Variants in KYNU observed in about 807,000 individuals in gnomAD.
KYNU encodes the protein kynureninase, also known as L-kynurenine hydrolase.
KYNU carries 54 observed loss-of-function variants against 59.2 expected under a neutral mutation model. That is an observed-to-expected ratio of 0.91 (90% CI 0.73 to 1.14). The LOEUF (loss-of-function observed/expected upper bound fraction) is 1.14, where lower values mean the gene tolerates loss of function less well. Ranked by LOEUF, KYNU falls within the 50% of genes most tolerant of loss-of-function variation. KYNU has a pLI of 0.00. For synonymous variants in KYNU, 177 were observed against 192.0 expected, an observed-to-expected ratio of 0.92 and a Z score of 0.65; for missense variants, 567 against 554.4, an observed-to-expected ratio of 1.02 and a Z score of -0.23.
At chr2:142,914,729 G>A (rs1682615807) in intron 2 of KYNU, among the ~76,000 whole-genome samples, 2 of 151,872 alleles carry the variant, frequency 1.3e-5, no homozygotes, top group South Asian at 4.2e-4. Context: ...CATTATCTTG[G>A]GGCAACATGA....
chr2:142,945,154 C>T (rs1344704408), intron 4 of KYNU, among the ~76,000 whole-genome samples: 2 of 152,278 alleles, frequency 1.3e-5, no homozygotes, highest in South Asian at 2.1e-4. Flanking sequence ...ATAGCAATCA[C>T]GTTTGCCATG....
rs1410123611 is a variant in KYNU, at chr2:143,055,041, A to T, written c.*12869A>T. 1 of 152,224 alleles carries T rather than the reference A, an allele frequency of 6.6e-6. No individual in the cohort carries two copies. Among genetic ancestry groups the T allele is most frequent in the African/African-American group, 2.4e-5 (1 of 41,458 alleles). 9.4% of individuals were successfully genotyped at this position (152,224 alleles called of 1,614,324 possible). A position where few individuals can be genotyped will look rare whatever the true frequency, so the allele number is the denominator to read the frequency against. On this transcript the variant is annotated 3_prime_UTR_variant, in exon 14 of 14. Coordinates refer to ENST00000264170, the MANE Select transcript of KYNU (RefSeq NM_003937.3). ...TATATATATATACCAAGTACATAGG[A>T]GTGAAATAATACAAAATCTGGAATT... is the stretch of plus-strand genomic sequence containing the variant.
At chr2:142,967,289 T>C (rs1185949229) in intron 8 of KYNU, 2 of 152,146 alleles carry the variant, frequency 1.3e-5, no homozygotes, top group Non-Finnish European at 2.9e-5. Flanking sequence ...ACCTAATGGA[T>C]GCTGGCATAT....
intron 8 of KYNU, among the ~76,000 whole-genome samples, chr2:142,972,783 A>G (rs1256597388): frequency 6.9e-6 from 1 of 144,234 alleles, no homozygotes; most frequent in African/African-American, 2.6e-5. Flanking sequence ...GACTACAGAG[A>G]CAGAGGCCAT....
At chr2:143,005,516 T>C (rs899346451) in intron 10 of KYNU, among the ~76,000 whole-genome samples, 1 of 151,772 alleles carries the variant, frequency 6.6e-6, no homozygotes, top group Non-Finnish European at 1.5e-5. Flanking sequence ...GACGAAAAAA[T>C]AAGAAGAAAG....
At chr2:143,030,539 G>A (rs569225721) in intron 11 of KYNU, among the ~76,000 whole-genome samples, 2 of 152,204 alleles carry the variant, frequency 1.3e-5, no homozygotes, top group East Asian at 3.9e-4. Context: ...ACAGTGGTGC[G>A]ATCAGGCTCA....
At position 143,054,776 on chromosome 2, in the gene KYNU, A is replaced by G. The variant is rs1354514474; in HGVS notation, c.*12604A>G. ...TAGCTGCTGATTGGATTTATTCAAC[A>G]TGTCAGTGGCATGAATACAATAGGA... On this transcript the variant is annotated 3_prime_UTR_variant, in exon 14 of 14. Transcript: ENST00000264170. 6.6e-6 allele frequency: 1 copy of G among 152,138 alleles called. No individual in the cohort carries two copies. Among genetic ancestry groups the G allele is most frequent in the Non-Finnish European group, 1.5e-5 (1 of 68,028 alleles). 9.4% of individuals were successfully genotyped at this position (152,138 alleles called of 1,614,324 possible).
rs375073088 is a variant in KYNU at position 142,960,764 on chromosome 2, A to G, written c.723A>G (p.Gln241=). Residue 241 remains glutamine, a synonymous_variant, in exon 8 of 14, where the codon CAA becomes CAG. Coordinates refer to ENST00000264170, the MANE Select transcript of KYNU (RefSeq NM_003937.3). ...TTCCTGCCATCACAAAAGCTGGACA[A>G]GCGAAGGTATGCACGCCATTTACTT... ...FNIPAITKAG[Q]AKGCYVGFDL... 6.2e-7 allele frequency: 1 copy of G among 1,613,940 alleles called. No individual in the cohort carries two copies. Among genetic ancestry groups the G allele is most frequent in the Non-Finnish European group, 8.5e-7 (1 of 1,180,004 alleles).
In KYNU at chr2:142,960,765, G is replaced by A. The variant is rs1162278008; in HGVS notation, c.724G>A (p.Ala242Thr). The change falls in exon 8 of 14, where the codon GCG (alanine) becomes ACG (threonine). Residue 242 changes from alanine to threonine, a missense_variant. Ala to Thr is a moderately conservative substitution (Grantham distance 58, BLOSUM62 0). Coordinates refer to ENST00000264170, the MANE Select transcript of KYNU (RefSeq NM_003937.3). Reference protein sequence around the residue: ...NIPAITKAGQAKGCYVGFDLA... With the variant: ...NIPAITKAGQTKGCYVGFDLA... Reference sequence around the variant, plus strand: ...TCCTGCCATCACAAAAGCTGGACAAGCGAAGGTATGCACGCCATTTACTTC... The same window carrying A: ...TCCTGCCATCACAAAAGCTGGACAAACGAAGGTATGCACGCCATTTACTTC... 6.2e-7 allele frequency: 1 copy of A among 1,613,846 alleles called. No individual in the cohort carries two copies. Among genetic ancestry groups the A allele is most frequent in the Non-Finnish European group, 8.5e-7 (1 of 1,179,952 alleles).
intron 10 of KYNU, among the ~76,000 whole-genome samples, chr2:143,006,455 G>A (rs1489372449): frequency 1.3e-5 from 2 of 148,712 alleles, no homozygotes; most frequent in Non-Finnish European, 3.0e-5. Context: ...AGATCAAACT[G>A]CAAGGTGGCA....
At chr2:142,957,813 T>C in intron 7 of KYNU, 98 bp downstream of exon 7, 3 of 788,566 alleles carry the variant, frequency 3.8e-6, no homozygotes, top group Non-Finnish European at 6.5e-6. Flanking sequence ...ATTACTTTAA[T>C]GGAACTTTCA....
intron 10 of KYNU, among the ~76,000 whole-genome samples, chr2:142,998,729 A>T (rs1033003440): frequency 6.6e-6 from 1 of 152,006 alleles, no homozygotes. Flanking sequence ...AGCTTCTGTG[A>T]CCAGGCGCAG....
chr2:142,958,659 A>T (rs1684244274), intron 7 of KYNU, among the ~76,000 whole-genome samples: 1 of 152,226 alleles, frequency 6.6e-6, no homozygotes, highest in African/African-American at 2.4e-5. Flanking sequence ...AGCAAAAATG[A>T]ACATAGCTGC....
chr2:142,981,850 C>T (rs1455758175), intron 8 of KYNU, among the ~76,000 whole-genome samples: 1 of 152,012 alleles, frequency 6.6e-6, no homozygotes, highest in Non-Finnish European at 1.5e-5. Flanking sequence ...GCACATCTTT[C>T]CGTAAAGAAC....
At chr2:143,041,533 G>T (rs1363701004) in intron 13 of KYNU, among the ~76,000 whole-genome samples, 3 of 152,008 alleles carry the variant, frequency 2.0e-5, no homozygotes, top group Admixed American at 2.0e-4. Flanking sequence ...CCTATAGCAG[G>T]TGTTTTCTAA....
chr2:142,951,538 G>A (rs540936738), intron 4 of KYNU, among the ~76,000 whole-genome samples: 54 of 152,260 alleles, frequency 3.5e-4, no homozygotes, highest in Middle Eastern at 3.4e-3. Context: ...GAAGTGAAGA[G>A]CAATGAAACA....
chr2:142,927,191 G>A (rs932734986), intron 3 of KYNU, among the ~76,000 whole-genome samples: 7 of 151,922 alleles, frequency 4.6e-5, no homozygotes, highest in Non-Finnish European at 8.8e-5. Context: ...CCTATAAAAT[G>A]GTATCATGAG....
At chr2:143,026,555 C>G (rs758894870) in intron 10 of KYNU, among the ~76,000 whole-genome samples, 3 of 152,228 alleles carry the variant, frequency 2.0e-5, no homozygotes, top group Non-Finnish European at 2.9e-5. Flanking sequence ...CCCACTCACT[C>G]GGACCTGCAG....
At chr2:142,912,192 G>C (rs1484145489) in intron 2 of KYNU, among the ~76,000 whole-genome samples, 1 of 151,938 alleles carries the variant, frequency 6.6e-6, no homozygotes, top group African/African-American at 2.4e-5. Flanking sequence ...ACTTTTTTTG[G>C]TTGGTAAGAT....
Sources: allele counts gnomAD v4.1 joint callset (sites outside exome capture counted in the v4.1 genomes callset), GRCh38; gene constraint gnomAD v4.1.1; transcripts MANE v1.5; gene names NCBI Gene and HGNC (gene_info 2026-07-23, HGNC 2026-07-21).